Variants in NCKAP5 observed in about 807,000 individuals in gnomAD.
NCKAP5 encodes NCK associated protein 5, also known as nck-associated protein 5.
In NCKAP5, 92 loss-of-function variants were observed where a neutral mutation model predicts 167.0. The observed-to-expected ratio is 0.55, with a 90% CI of 0.47 to 0.66. NCKAP5 has a LOEUF of 0.66. NCKAP5 is among the 30% of genes least tolerant of loss of function. The pLI is 0.00. For missense variants in NCKAP5, 2,378 were observed against 2,315.0 expected, an observed-to-expected ratio of 1.03 and a Z score of -0.56; for synonymous variants, 891 against 877.4, an observed-to-expected ratio of 1.02 and a Z score of -0.27.
intron 15 of NCKAP5, 70 bp from the exon 16 acceptor site, chr2:132,773,964 G>T: frequency 1.6e-6 from 2 of 1,287,796 alleles, no homozygotes; most frequent in Non-Finnish European, 2.2e-6. Context: ...AATCCTCAGA[G>T]TAATGGTACA....
At chr2:132,780,875 C>T (rs1682971351) in intron 15 of NCKAP5, among the ~76,000 whole-genome samples, 177 bp downstream of exon 15, 2 of 152,236 alleles carry the variant, frequency 1.3e-5, no homozygotes, top group African/African-American at 2.4e-5. Flanking sequence ...GCTGCCAGCT[C>T]TCTGCTGCAG....
At chr2:133,233,410 A>C (rs1044789417) in intron 4 of NCKAP5, among the ~76,000 whole-genome samples, 1 of 152,090 alleles carries the variant, frequency 6.6e-6, no homozygotes, top group Non-Finnish European at 1.5e-5. Context: ...TCCCTATATT[A>C]TTTTGCTGAC....
chr2:133,542,088 G>A (rs1686272380), intron 2 of NCKAP5, among the ~76,000 whole-genome samples: 2 of 152,132 alleles, frequency 1.3e-5, no homozygotes, highest in Non-Finnish European at 1.5e-5. Flanking sequence ...TTGTGAGGCT[G>A]AAAATTTGAG....
At chr2:132,890,929 C>G (rs1220778366) in intron 8 of NCKAP5, among the ~76,000 whole-genome samples, 1 of 152,096 alleles carries the variant, frequency 6.6e-6, no homozygotes. Flanking sequence ...ATACGTGTAC[C>G]CATACATGTG....
intron 8 of NCKAP5, among the ~76,000 whole-genome samples, chr2:132,905,889 C>T (rs1234168909): frequency 1.3e-5 from 2 of 152,064 alleles, no homozygotes; most frequent in African/African-American, 4.8e-5. Context: ...TCCTTCTTCT[C>T]AATAGCCAGT....
intron 8 of NCKAP5, among the ~76,000 whole-genome samples, chr2:132,954,274 T>TATTGTATCCTATACTGAGTGACA (rs2076277396): frequency 6.6e-6 from 1 of 152,164 alleles, no homozygotes; most frequent in Non-Finnish European, 1.5e-5. Flanking sequence ...ACCCTCTCAA[T>TATTGTATCCTATACTGAGTGACA]ATTGTATCCT....
intron 5 of NCKAP5, among the ~76,000 whole-genome samples, chr2:133,179,630 A>G (rs1424327328): frequency 2.0e-5 from 3 of 152,224 alleles, no homozygotes; most frequent in Non-Finnish European, 4.4e-5. Flanking sequence ...TAGCAAAGAA[A>G]TACAAAGTCT....
At chr2:132,940,469 G>A (rs1697211686) in intron 8 of NCKAP5, among the ~76,000 whole-genome samples, 1 of 152,162 alleles carries the variant, frequency 6.6e-6, no homozygotes, top group Non-Finnish European at 1.5e-5. Context: ...AAGACATGGG[G>A]TTATGACCTG....
intron 3 of NCKAP5, among the ~76,000 whole-genome samples, chr2:133,481,482 CAT>C (rs1209345483): frequency 3.3e-5 from 5 of 152,150 alleles, no homozygotes; most frequent in African/African-American, 1.2e-4. Context: ...TTGTTGCACA[CAT>C]AAACTTGTGT....
chr2:133,423,894 T>G (rs546948782), intron 3 of NCKAP5, among the ~76,000 whole-genome samples: 24 of 152,322 alleles, frequency 1.6e-4, no homozygotes, highest in African/African-American at 5.3e-4. Context: ...GGGAAGGTTT[T>G]TGTTTGTTTG....
At chr2:133,636,579 A>G in the NCKAP5 span, among the ~76,000 whole-genome samples, 1 of 152,254 alleles carries the variant, frequency 6.6e-6, no homozygotes, top group Non-Finnish European at 1.5e-5. Context: ...TCTGCTTCCA[A>G]CATTATAACT....
chr2:132,878,960 T>C (rs747842932), intron 8 of NCKAP5, 44 bp from the exon 9 acceptor site: 28 of 1,480,904 alleles, frequency 1.9e-5, no homozygotes, highest in Non-Finnish European at 2.6e-5. Flanking sequence ...CAATGAAATG[T>C]TGTGTTATGT....
intron 5 of NCKAP5, among the ~76,000 whole-genome samples, chr2:133,145,735 G>A (rs186978028): frequency 1.3e-5 from 2 of 152,054 alleles, no homozygotes; most frequent in East Asian, 3.9e-4. Context: ...CACATTGATT[G>A]CTGTTAAACT....
chr2:133,246,016 T>C (rs989380657), intron 4 of NCKAP5, among the ~76,000 whole-genome samples: 103 of 151,660 alleles, frequency 6.8e-4, no homozygotes, highest in African/African-American at 2.4e-3. Context: ...TGAGAAAGAA[T>C]CATGGTTGGG....
intron 3 of NCKAP5, among the ~76,000 whole-genome samples, chr2:133,448,819 T>C (rs1038560162): frequency 2.0e-5 from 3 of 152,128 alleles, no homozygotes; most frequent in Non-Finnish European, 2.9e-5. Flanking sequence ...TTTGTATTTA[T>C]TCTATGGACG....
intron 15 of NCKAP5, among the ~76,000 whole-genome samples, chr2:132,780,315 C>T (rs1280948821): frequency 6.6e-6 from 1 of 152,136 alleles, no homozygotes; most frequent in Admixed American, 6.5e-5. Context: ...CCATGCCTGG[C>T]TAATTTTTTG....
intron 8 of NCKAP5, among the ~76,000 whole-genome samples, chr2:132,945,362 C>T (rs1048257983): frequency 6.6e-5 from 10 of 152,196 alleles, no homozygotes; most frequent in African/African-American, 2.4e-4. Context: ...GGAAGGAAGA[C>T]AGGACAGATG....
intron 5 of NCKAP5, among the ~76,000 whole-genome samples, chr2:133,152,421 C>T (rs2083414153): frequency 6.6e-6 from 1 of 152,150 alleles, no homozygotes; most frequent in Admixed American, 6.5e-5. Context: ...AGTTACTTTA[C>T]TCCTGTGAGA....
intron 19 of NCKAP5, among the ~76,000 whole-genome samples, chr2:132,678,598 T>C (rs1684802161): frequency 6.6e-6 from 1 of 152,186 alleles, no homozygotes; most frequent in Admixed American, 6.5e-5. Context: ...GTGTTTTTAC[T>C]ATGAGTCAGG....
Sources: gnomAD v4.1 joint callset for allele counts (sites outside exome capture counted in the v4.1 genomes callset) on GRCh38, gnomAD v4.1.1 for gene constraint, MANE v1.5 for transcripts, NCBI Gene and HGNC (gene_info 2026-07-23, HGNC 2026-07-21) for gene names.